The following ACSM5 variants were observed in gnomAD, a reference collection of about 807,000 sequenced individuals.
ACSM5 encodes the protein acyl-CoA synthetase medium chain family member 5.
A neutral mutation model predicts 71.6 loss-of-function variants in ACSM5; 56 were observed. The observed-to-expected ratio is 0.78, with a 90% CI of 0.63 to 0.98. The LOEUF is 0.98. Ranked by LOEUF, ACSM5 falls within the 50% of genes least tolerant of loss-of-function variation. The probability of loss-of-function intolerance (pLI) is 0.00; values close to 1 mark genes in which losing one functional copy is unlikely to be tolerated. For missense variants in ACSM5, 723 were observed against 726.0 expected, an observed-to-expected ratio of 1.00 and a Z score of 0.05; for synonymous variants, 285 against 281.5, an observed-to-expected ratio of 1.01 and a Z score of -0.12.
chr16:20,439,916 G>A lies in ACSM5; in HGVS notation c.1653G>A (p.Arg551=), dbSNP rs377096123. ...KRVTAPYKYP[R]KVAFVSELPK... ...TGACTGCTCCATACAAATACCCCAG[G>A]AAGGTAAATATCAGGGTTTCCAGGG... The change falls in exon 13 of 14, where the codon AGG becomes AGA. Residue 551 remains arginine (R), a synonymous_variant. Transcript: ENST00000331849. 6.2e-7 allele frequency: 1 copy of A among 1,612,308 alleles called. No homozygotes were observed.
rs185417851 is a variant in ACSM5, at chr16:20,427,623, G to A, written c.922-165G>A. Among the ~76,000 whole-genome samples the A allele has an allele frequency of 1.2e-4, 18 of 152,356 alleles. No homozygotes were observed. The East Asian group carries it at 3.5e-3, about 29-fold the overall frequency. ...GAGGGGATCCTCCAAAGGTGCACAT[G>A]CCAGGAAGTAGGAGTCACTGGACAC... On this transcript the variant is annotated intron_variant, in intron 6 of 13. Transcript: ENST00000331849.
intron 6 of ACSM5, among the ~76,000 whole-genome samples, chr16:20,426,572 C>A (rs1014861369): frequency 1.3e-5 from 2 of 152,238 alleles, no homozygotes; most frequent in East Asian, 1.9e-4. Context: ...TATTACCCAG[C>A]CTTAAAAAGG....
chr16:20,410,174 G>C (rs924056522), intron 1 of ACSM5, among the ~76,000 whole-genome samples: 1 of 152,152 alleles, frequency 6.6e-6, no homozygotes, highest in South Asian at 2.1e-4. Context: ...GCCTTCAATA[G>C]ACTGAAGCTG....
chr16:20,434,222 T>A (rs1224913158), intron 10 of ACSM5, among the ~76,000 whole-genome samples: 1 of 152,208 alleles, frequency 6.6e-6, no homozygotes, highest in Non-Finnish European at 1.5e-5. Context: ...TATTCAATAG[T>A]TTCTTCCAAT....
Position 20,431,252 on chromosome 16 carries a change from T to C in ACSM5, c.1239T>C (p.Pro413=). Residue 413 remains proline, a synonymous_variant, in exon 10 of 14, where the codon CCT becomes CCC. Coordinates refer to ENST00000331849, the MANE Select transcript of ACSM5 (RefSeq NM_017888.3). ...ATGATGAGGGCAACGTCCTGCCTCC[T>C]GGAGAAGAGGGGAATGTTGCCGTCC... ...IVDDEGNVLP[P]GEEGNVAVRI... is the part of the protein sequence containing the mutation. 1.2e-6 allele frequency: 2 copies of C among 1,614,152 alleles called. No homozygotes were observed.
In ACSM5 at chr16:20,411,567, C is replaced by G; in HGVS notation, c.83C>G (p.Pro28Arg). The G allele has an allele frequency of 1.9e-6, 3 of 1,614,216 alleles. No homozygotes were observed. Among genetic ancestry groups the G allele is most frequent in the Non-Finnish European group, 2.5e-6 (3 of 1,180,030 alleles). The change falls in exon 2 of 14, where the codon CCT becomes CGT. Residue 28 changes from proline (P) to arginine (R), a missense_variant. Coordinates refer to ENST00000331849, the MANE Select transcript of ACSM5 (RefSeq NM_017888.3). The stretch of plus-strand genomic sequence containing the variant: ...TGTGGGTCTCATGGGAAGCCAGCAC[C>G]TCTACCTGTTCCTCAGAAGATCGTG... ...AFCGSHGKPA[P>R]LPVPQKIVAT...
chr16:20,410,579 T>C (rs1596608455), intron 1 of ACSM5, among the ~76,000 whole-genome samples: 2 of 152,148 alleles, frequency 1.3e-5, no homozygotes, highest in South Asian at 2.1e-4. Context: ...AAAAACTTTT[T>C]AAAAGTTAGC....
intron 6 of ACSM5, among the ~76,000 whole-genome samples, chr16:20,425,193 A>G (rs1044530257): frequency 6.6e-6 from 1 of 152,090 alleles, no homozygotes; most frequent in Non-Finnish European, 1.5e-5. Flanking sequence ...CTCTATTTCC[A>G]TGAGTTCAAT....
intron 12 of ACSM5, 100 bp downstream of exon 12, chr16:20,437,467 T>G (rs1339521152): frequency 3.2e-5 from 32 of 986,352 alleles, no homozygotes; most frequent in Admixed American, 9.4e-5. Flanking sequence ...TTCACCTCCA[T>G]CCTTGTGCCA....
chr16:20,438,162 A>C (rs539229320), intron 12 of ACSM5, among the ~76,000 whole-genome samples: 1 of 151,852 alleles, frequency 6.6e-6, no homozygotes, highest in Non-Finnish European at 1.5e-5. Flanking sequence ...AGAGGAATGC[A>C]TATTATGGGA....
rs756069395 is a variant in ACSM5, at chr16:20,411,694, G to A, written c.204+6G>A. On this transcript the variant is annotated splice_donor_region_variant and intron_variant, in intron 2 of 13. Transcript: ENST00000331849. ...TGTGGAGTCGGCTGGAAGAGGTGAAGCCTGTTCTGTCCTAGAGTCCATCTG... is the reference window on the plus strand; with the variant it reads ...TGTGGAGTCGGCTGGAAGAGGTGAAACCTGTTCTGTCCTAGAGTCCATCTG... The A allele has an allele frequency of 6.2e-7, 1 of 1,613,564 alleles. No individual in the cohort carries two copies. The highest frequency in any genetic ancestry group is 2.2e-5 in the East Asian group (1 of 44,864).
At chr16:20,425,883 G>T (rs1289606316) in intron 6 of ACSM5, among the ~76,000 whole-genome samples, 1 of 152,078 alleles carries the variant, frequency 6.6e-6, no homozygotes, top group Non-Finnish European at 1.5e-5. Context: ...AAACTGTGCT[G>T]CTATAAACAT....
chr16:20,437,574 T>C (rs1036194513), intron 12 of ACSM5, among the ~76,000 whole-genome samples: 2 of 150,938 alleles, frequency 1.3e-5, no homozygotes, highest in African/African-American at 4.9e-5. Flanking sequence ...ACCAACACTT[T>C]GCTTTTAAAT....
chr16:20,434,650 C>T (rs1160197594), intron 10 of ACSM5, among the ~76,000 whole-genome samples: 1 of 152,208 alleles, frequency 6.6e-6, no homozygotes, highest in Non-Finnish European at 1.5e-5. Flanking sequence ...GCTGAGATCA[C>T]ACCACTGCAC....
At chr16:20,418,829 T>G (rs887891820) in intron 3 of ACSM5, among the ~76,000 whole-genome samples, 1 of 152,166 alleles carries the variant, frequency 6.6e-6, no homozygotes, top group African/African-American at 2.4e-5. Flanking sequence ...TGATTCTCAT[T>G]ATCACAGCAT....
At chr16:20,423,855 A>G (rs1375745839) in intron 5 of ACSM5, 61 bp from the exon 6 acceptor site, 2 of 1,597,652 alleles carry the variant, frequency 1.3e-6, no homozygotes, top group Admixed American at 3.4e-5. Flanking sequence ...TATAGATAAT[A>G]CAATCCTTTT....
chr16:20,425,570 C>A (rs1243011654), intron 6 of ACSM5, among the ~76,000 whole-genome samples: 15 of 152,048 alleles, frequency 9.9e-5, no homozygotes, highest in Non-Finnish European at 2.2e-4. Context: ...GTCTTTTATC[C>A]CTCACCCCCT....
At chr16:20,413,617 T>A (rs1204519820) in intron 2 of ACSM5, among the ~76,000 whole-genome samples, 2 of 152,226 alleles carry the variant, frequency 1.3e-5, no homozygotes, top group Admixed American at 1.3e-4. Context: ...GAGAATCCAA[T>A]GTCTATGGGA....
At chr16:20,437,388 C>T (rs1967224787) in intron 12 of ACSM5, 21 bp downstream of exon 12, 1 of 1,537,056 alleles carries the variant, frequency 6.5e-7, no homozygotes, top group African/African-American at 1.4e-5. Flanking sequence ...CACCCAAGAA[C>T]ATGGCCTCCT....
Sources: allele counts gnomAD v4.1 joint callset (sites outside exome capture counted in the v4.1 genomes callset), GRCh38; gene constraint gnomAD v4.1.1; transcripts MANE v1.5; gene names NCBI Gene and HGNC (gene_info 2026-07-23, HGNC 2026-07-21).